The following SPPL3 variants were observed in gnomAD, a reference collection of about 807,000 sequenced individuals.
SPPL3 encodes the protein signal peptide peptidase-like 3.
In SPPL3, 5 loss-of-function variants were observed where a neutral mutation model predicts 42.4. The ratio of observed to expected loss-of-function variants is 0.12; its 90% CI spans 0.06 to 0.25. The LOEUF (loss-of-function observed/expected upper bound fraction) is 0.25, where lower values mean the gene tolerates loss of function less well. Ranked by LOEUF, SPPL3 falls within the 10% of genes least tolerant of loss-of-function variation. SPPL3 has a pLI of 1.00. For synonymous variants in SPPL3, 195 were observed against 181.8 expected, an observed-to-expected ratio of 1.07 and a Z score of -0.58; for missense variants, 235 against 489.0, an observed-to-expected ratio of 0.48 and a Z score of 4.90.
At chr12:120,797,441 T>C (rs1297368404) in intron 2 of SPPL3, among the ~76,000 whole-genome samples, 2 of 152,200 alleles carry the variant, frequency 1.3e-5, no homozygotes, top group Non-Finnish European at 2.9e-5. Flanking sequence ...TCAGGAATAC[T>C]GTCCTTTGTT....
chr12:120,815,777 A>G (rs1334403278), intron 1 of SPPL3, among the ~76,000 whole-genome samples: 1 of 151,944 alleles, frequency 6.6e-6, no homozygotes. Flanking sequence ...CCCAGTCTGG[A>G]GTGCAACGGT....
chr12:120,781,577 T>G (rs937954036), intron 6 of SPPL3, among the ~76,000 whole-genome samples: 12 of 124,250 alleles, frequency 9.7e-5, no homozygotes, highest in South Asian at 5.4e-4. Flanking sequence ...TTTTTTTTTT[T>G]TTTTTTTTTT....
At chr12:120,781,858 T>C (rs7965310) in intron 6 of SPPL3, among the ~76,000 whole-genome samples, 42 of 151,846 alleles carry the variant, frequency 2.8e-4, no homozygotes, top group African/African-American at 9.7e-4. Context: ...ATTACAGGCA[T>C]GAACCACAAT....
At chr12:120,845,334 G>C (rs1871986162) in intron 1 of SPPL3, 1 of 355,522 alleles carries the variant, frequency 2.8e-6, no homozygotes, top group Non-Finnish European at 5.7e-6. Flanking sequence ...GCATCCTCAT[G>C]AACTCCTCGC....
chr12:120,851,205 C>CA (rs1268532231), intron 1 of SPPL3, among the ~76,000 whole-genome samples: 1 of 152,136 alleles, frequency 6.6e-6, no homozygotes, highest in Non-Finnish European at 1.5e-5. Context: ...GTGATATAGT[C>CA]AAAAAACTAG....
At chr12:120,800,961 C>T (rs1391328746) in intron 2 of SPPL3, among the ~76,000 whole-genome samples, 3 of 152,194 alleles carry the variant, frequency 2.0e-5, no homozygotes, top group African/African-American at 7.2e-5. Flanking sequence ...CCAGCTTATG[C>T]CTGCTGCCTT....
chr12:120,766,197 A>T (rs1868898572), intron 10 of SPPL3, 66 bp downstream of exon 10: 3 of 1,307,702 alleles, frequency 2.3e-6, no homozygotes, highest in East Asian at 2.6e-5. Flanking sequence ...CAGCGAGGAG[A>T]GTGCAAACCG....
At chr12:120,820,305 A>ATTTTTT (rs754034719) in intron 1 of SPPL3, among the ~76,000 whole-genome samples, 1 of 139,034 alleles carries the variant, frequency 7.2e-6, no homozygotes, top group African/African-American at 2.9e-5. Context: ...TCTTTCTCTA[A>ATTTTTT]ATTTTTTTTT....
chr12:120,889,998 C>A (rs898772076), intron 1 of SPPL3, among the ~76,000 whole-genome samples: 3 of 152,108 alleles, frequency 2.0e-5, no homozygotes, highest in South Asian at 4.1e-4. Context: ...GTAATCCCAG[C>A]ACTTTGGGAG....
At chr12:120,878,988 C>A (rs988509495) in intron 1 of SPPL3, among the ~76,000 whole-genome samples, 4 of 151,714 alleles carry the variant, frequency 2.6e-5, no homozygotes, top group African/African-American at 9.7e-5. Context: ...TGGCGGGCGC[C>A]TGTAATCCCA....
chr12:120,862,756 T>A (rs902795360), intron 1 of SPPL3, among the ~76,000 whole-genome samples: 1 of 152,140 alleles, frequency 6.6e-6, no homozygotes, highest in African/African-American at 2.4e-5. Context: ...CATGATTGAT[T>A]AAATCACTGG....
intron 7 of SPPL3, chr12:120,768,729 AC>A (rs1329372397): frequency 1.6e-6 from 1 of 630,482 alleles, no homozygotes; most frequent in Non-Finnish European, 2.7e-6. Flanking sequence ...TCAGCCTGTT[AC>A]CTCTTCTATC....
At chr12:120,893,803 T>C (rs532544539) in intron 1 of SPPL3, among the ~76,000 whole-genome samples, 4 of 152,158 alleles carry the variant, frequency 2.6e-5, no homozygotes, top group Non-Finnish European at 5.9e-5. Flanking sequence ...ATTTCTTAAT[T>C]GTGAGTTTCC....
chr12:120,765,320 G>C (rs1170308814), intron 10 of SPPL3, among the ~76,000 whole-genome samples: 2 of 150,936 alleles, frequency 1.3e-5, no homozygotes, highest in Non-Finnish European at 2.9e-5. Context: ...TTCTCACTCT[G>C]TCACCTAGGC....
chr12:120,820,858 T>A (rs1006999918), intron 1 of SPPL3, among the ~76,000 whole-genome samples: 1 of 152,150 alleles, frequency 6.6e-6, no homozygotes, highest in Non-Finnish European at 1.5e-5. Flanking sequence ...TCTGGGAGGC[T>A]GAGGCAGGAG....
chr12:120,782,579 A>T (rs1217288633), intron 6 of SPPL3, 76 bp downstream of exon 6: 2 of 1,136,478 alleles, frequency 1.8e-6, no homozygotes, highest in African/African-American at 3.1e-5. Flanking sequence ...ATGGTTGTAC[A>T]GCTCTGTGAA....
intron 1 of SPPL3, among the ~76,000 whole-genome samples, chr12:120,865,625 G>C (rs750008530): frequency 4.4e-4 from 67 of 152,232 alleles, no homozygotes; most frequent in Admixed American, 1.9e-3. Context: ...ATAATCCTGG[G>C]ATAGTAGATG....
At chr12:120,784,014 T>G (rs1383338784) in intron 4 of SPPL3, among the ~76,000 whole-genome samples, 1 of 129,138 alleles carries the variant, frequency 7.7e-6, no homozygotes, top group Non-Finnish European at 1.5e-5. Flanking sequence ...CTTGTAGCAT[T>G]TTGCCGATTT....
intron 1 of SPPL3, among the ~76,000 whole-genome samples, chr12:120,887,794 CAAAT>C (rs1355685234): frequency 2.0e-5 from 3 of 152,244 alleles, no homozygotes; most frequent in African/African-American, 7.2e-5. Flanking sequence ...AAACACTACA[CAAAT>C]AAAACCACAA....
Sources: gnomAD v4.1 joint callset for allele counts (sites outside exome capture counted in the v4.1 genomes callset) on GRCh38, gnomAD v4.1.1 for gene constraint, MANE v1.5 for transcripts, NCBI Gene and HGNC (gene_info 2026-07-23, HGNC 2026-07-21) for gene names.